The following MICU1 variants were observed in gnomAD, a reference collection of about 807,000 sequenced individuals.
MICU1 encodes calcium uptake protein 1, mitochondrial.
MICU1 carries 45 observed loss-of-function variants against 56.8 expected under a neutral mutation model. The ratio of observed to expected loss-of-function variants is 0.79; its 90% confidence interval spans 0.62 to 1.02. MICU1 has a LOEUF of 1.02. MICU1 is among the 50% of genes least tolerant of loss of function. The pLI is 0.00. For missense variants in MICU1, 504 were observed against 587.1 expected (o/e 0.86, Z 1.46); for synonymous variants, 186 against 195.1 (o/e 0.95, Z 0.39).
At chr10:72,535,984 C>A (rs1187568300) in intron 4 of MICU1, among the ~76,000 whole-genome samples, 3 of 152,044 alleles carry the variant, frequency 2.0e-5, no homozygotes, top group African/African-American at 7.2e-5. Context: ...ATGTTCTCAT[C>A]CCTACGTGGA....
chr10:72,619,771 C>T (rs568489131), intron 1 of MICU1, among the ~76,000 whole-genome samples: 2 of 152,246 alleles, frequency 1.3e-5, no homozygotes, highest in South Asian at 2.1e-4. Flanking sequence ...TCTAGTTTAA[C>T]GATGAACGGC....
chr10:72,583,372 G>A (rs1486001683), intron 1 of MICU1, among the ~76,000 whole-genome samples: 2 of 150,594 alleles, frequency 1.3e-5, no homozygotes, highest in Non-Finnish European at 3.0e-5. Context: ...CTTCCGCCTC[G>A]CAGGTTCAAG....
chr10:72,495,464 C>A (rs1336176602), intron 6 of MICU1, among the ~76,000 whole-genome samples: 1 of 151,982 alleles, frequency 6.6e-6, no homozygotes, highest in Non-Finnish European at 1.5e-5. Flanking sequence ...AAGACTAGCA[C>A]GGCCAACATG....
At chr10:72,616,336 TG>T (rs1224295931) in intron 1 of MICU1, among the ~76,000 whole-genome samples, 1 of 152,202 alleles carries the variant, frequency 6.6e-6, no homozygotes, top group African/African-American at 2.4e-5. Context: ...TTTGTCAGCC[TG>T]GGCTGGAGAA....
At position 72,569,237 on chromosome 10, in the gene MICU1, A is replaced by ATTTTTTTTTTT. The variant is rs1178823534; in HGVS notation, c.-1-2454_-1-2444dup. Among the ~76,000 whole-genome samples the ATTTTTTTTTTT allele has an allele frequency of 4.6e-3, 158 of 34,360 alleles. 8 individuals are homozygous for ATTTTTTTTTTT. The highest frequency in any genetic ancestry group is 5.4e-3 in the Non-Finnish European group (105 of 19,566). 22.5% of individuals were successfully genotyped at this position (34,360 alleles called of 152,430 possible). ...TATATATATATATATATATATATAT[A>ATTTTTTTTTTT]TTTTTTTTTTTTTTTGAGATGGCGT... is the stretch of plus-strand genomic sequence containing the variant. On this transcript the variant is annotated intron_variant, in intron 1 of 11. Transcript: ENST00000361114.
In MICU1 at chr10:72,576,344, C is replaced by T. The variant is rs140730054; in HGVS notation, c.-1-9550G>A. 4.6e-3 allele frequency among the ~76,000 whole-genome samples: 681 copies of T among 149,344 alleles called. 3 individuals carry two copies. Among genetic ancestry groups the T allele is most frequent in the African/African-American group, 0.016 (645 of 40,814 alleles). Reference sequence around the variant, plus strand: ...AAGCTGCAAATGCAGAGGAAAAGTTCTTGAAAAAAATTAAAAGTGCTACTC... The same window carrying T: ...AAGCTGCAAATGCAGAGGAAAAGTTTTTGAAAAAAATTAAAAGTGCTACTC... On this transcript the variant is annotated intron_variant, in intron 1 of 11. Transcript: ENST00000361114.
chr10:72,493,664 G>T (rs1024019109), intron 6 of MICU1, among the ~76,000 whole-genome samples: 1 of 152,092 alleles, frequency 6.6e-6, no homozygotes, highest in Non-Finnish European at 1.5e-5. Context: ...TGTTGCCCAG[G>T]CTGGTCTTGA....
At chr10:72,623,559 C>T (rs1842161574) in intron 1 of MICU1, among the ~76,000 whole-genome samples, 1 of 151,928 alleles carries the variant, frequency 6.6e-6, no homozygotes, top group Middle Eastern at 3.2e-3. Context: ...CCTGGGTAGG[C>T]CAGGTGTGGT....
At chr10:72,616,757 C>T (rs954998794) in intron 1 of MICU1, among the ~76,000 whole-genome samples, 7 of 152,090 alleles carry the variant, frequency 4.6e-5, no homozygotes, top group Non-Finnish European at 5.9e-5. Context: ...CACATACATC[C>T]ACTGATCAGT....
chr10:72,593,568 T>C (rs1160337301), intron 1 of MICU1, among the ~76,000 whole-genome samples: 1 of 149,126 alleles, frequency 6.7e-6, no homozygotes, highest in Non-Finnish European at 1.5e-5. Context: ...AAGGAAGAAG[T>C]AAAATTATCA....
intron 4 of MICU1, among the ~76,000 whole-genome samples, chr10:72,550,559 G>A (rs1840010828): frequency 6.6e-6 from 1 of 152,096 alleles, no homozygotes; most frequent in African/African-American, 2.4e-5. Flanking sequence ...ATTGCTCTTG[G>A]GGAAATTCAG....
At chr10:72,592,981 T>C (rs1442914022) in intron 1 of MICU1, among the ~76,000 whole-genome samples, 1 of 151,988 alleles carries the variant, frequency 6.6e-6, no homozygotes, top group Non-Finnish European at 1.5e-5. Context: ...AGACGGGGTT[T>C]CACCTTGTTG....
intron 11 of MICU1, among the ~76,000 whole-genome samples, chr10:72,371,451 T>C (rs983897872): frequency 2.1e-5 from 3 of 143,154 alleles, no homozygotes; most frequent in African/African-American, 7.8e-5. Context: ...TTATCAAGAA[T>C]GTAGGCCGAG....
rs958062050 is a variant in MICU1 at position 72,412,843 on chromosome 10, C to T, written c.1072-4806G>A. ...TCCAGCCTGGGCGACAAGAGCAAAA[C>T]TCTGTCTCCAGAAAAAAAAAAAAAA... On this transcript the variant is annotated intron_variant, in intron 9 of 11. Coordinates refer to ENST00000361114, the MANE Select transcript of MICU1 (RefSeq NM_001195518.2). Among the ~76,000 whole-genome samples the T allele has an allele frequency of 7.3e-5, 10 of 136,174 alleles. No homozygotes were observed. The South Asian group carries it at 1.9e-3, about 25-fold the overall frequency. 89.3% of individuals were successfully genotyped at this position (136,174 alleles called of 152,430 possible).
At chr10:72,552,593 T>C (rs1840061296) in intron 3 of MICU1, among the ~76,000 whole-genome samples, 1 of 152,230 alleles carries the variant, frequency 6.6e-6, no homozygotes, top group Non-Finnish European at 1.5e-5. Flanking sequence ...TTTGTTCTTG[T>C]TGCCCAGGCT....
chr10:72,570,151 G>T (rs1360898986), intron 1 of MICU1, among the ~76,000 whole-genome samples: 1 of 152,020 alleles, frequency 6.6e-6, no homozygotes. Flanking sequence ...TACCATATTG[G>T]CCAGGCTGGT....
chr10:72,400,018 C>A (rs10823919), intron 10 of MICU1, among the ~76,000 whole-genome samples: 1 of 152,056 alleles, frequency 6.6e-6, no homozygotes, highest in Non-Finnish European at 1.5e-5. Context: ...ATTTTTCCCC[C>A]TTCCAACTCA....
chr10:72,486,975 G>A (rs1866495061), intron 6 of MICU1, among the ~76,000 whole-genome samples: 1 of 152,150 alleles, frequency 6.6e-6, no homozygotes, highest in Non-Finnish European at 1.5e-5. Flanking sequence ...CCCTATCAGA[G>A]CAACATAAAT....
chr10:72,515,248 TA>T (rs1467239954), intron 5 of MICU1, among the ~76,000 whole-genome samples: 1 of 152,232 alleles, frequency 6.6e-6, no homozygotes. Flanking sequence ...TTCTTTCTTT[TA>T]AAGCGTTCTC....
Sources: allele counts gnomAD v4.1 joint callset (sites outside exome capture counted in the v4.1 genomes callset), GRCh38; gene constraint gnomAD v4.1.1; transcripts MANE v1.5; gene names NCBI Gene and HGNC (gene_info 2026-07-23, HGNC 2026-07-21).